CD2AP: variants seen among roughly 807,000 people sequenced by gnomAD.
The protein encoded by CD2AP is CD2-associated protein.
CD2AP carries 46 observed loss-of-function variants against 85.1 expected under a neutral mutation model. The observed-to-expected ratio is 0.54, with a 90% CI of 0.43 to 0.69. The LOEUF is 0.69. CD2AP is among the 30% of genes least tolerant of loss of function. The pLI is 0.00. For synonymous variants in CD2AP, 255 were observed against 252.9 expected (o/e 1.01, Z -0.08); for missense variants, 769 against 729.5 (o/e 1.05, Z -0.62).
Position 47,503,377 on chromosome 6 carries a change from G to A in CD2AP, c.102G>A (p.Glu34=). 6.2e-7 allele frequency: 1 copy of A among 1,613,820 alleles called. No individual in the cohort carries two copies. The highest frequency in any genetic ancestry group is 1.7e-5 in the Admixed American group (1 of 60,010). ...EIIRNVKKLQ[E]EGWLEGELNG... is the part of the protein sequence containing the mutation. ...TCAGGAATGTGAAAAAGCTACAGGA[G>A]GAAGGGTGGCTGGAAGGAGAACTAA... Residue 34 remains glutamate, a synonymous_variant, in exon 2 of 18, where the codon GAG becomes GAA. Coordinates refer to ENST00000359314, the MANE Select transcript of CD2AP (RefSeq NM_012120.3).
At chr6:47,573,427 T>C (rs1356733225) in intron 5 of CD2AP, among the ~76,000 whole-genome samples, 1 of 151,832 alleles carries the variant, frequency 6.6e-6, no homozygotes, top group Non-Finnish European at 1.5e-5. Context: ...TATGTCTTTA[T>C]TGTTTGTCTC....
chr6:47,601,042 AT>A (rs1401873953), intron 13 of CD2AP, among the ~76,000 whole-genome samples: 1 of 151,686 alleles, frequency 6.6e-6, no homozygotes, highest in Non-Finnish European at 1.5e-5. Flanking sequence ...AAGTAATGGA[AT>A]TTTTTTTAAA....
chr6:47,535,157 A>G (rs1232459397), intron 3 of CD2AP, among the ~76,000 whole-genome samples: 2 of 152,172 alleles, frequency 1.3e-5, no homozygotes, highest in Middle Eastern at 3.2e-3. Context: ...CTAGTGTCCC[A>G]TTATTGGAAT....
intron 13 of CD2AP, among the ~76,000 whole-genome samples, chr6:47,604,139 A>G (rs1028445351): frequency 6.6e-6 from 1 of 152,120 alleles, no homozygotes; most frequent in Non-Finnish European, 1.5e-5. Context: ...AGCAACGTGC[A>G]GATTGTAAGT....
intron 13 of CD2AP, among the ~76,000 whole-genome samples, chr6:47,601,875 A>G (rs1769147098): frequency 6.6e-6 from 1 of 152,002 alleles, no homozygotes; most frequent in South Asian, 2.1e-4. Flanking sequence ...CTGTTAATAA[A>G]AGGGGTTTTA....
At chr6:47,609,712 C>G (rs1180155791) in intron 16 of CD2AP, among the ~76,000 whole-genome samples, 1 of 151,668 alleles carries the variant, frequency 6.6e-6, no homozygotes, top group Non-Finnish European at 1.5e-5. Flanking sequence ...AAAAAAGTCT[C>G]TGGTATGAGC....
rs191920077 is a variant in CD2AP at position 47,477,807 on chromosome 6, C to T, written c.-438C>T. The T allele has an allele frequency of 9.2e-5, 19 of 206,924 alleles. No homozygotes were observed. Among genetic ancestry groups the T allele is most frequent in the Admixed American group, 3.0e-4 (5 of 16,864 alleles). 12.8% of individuals were successfully genotyped at this position (206,924 alleles called of 1,614,324 possible). On this transcript the variant is annotated 5_prime_UTR_variant, in exon 1 of 18. Coordinates refer to ENST00000359314, the MANE Select transcript of CD2AP (RefSeq NM_012120.3). The stretch of plus-strand genomic sequence containing the variant: ...TCTCGGCCTCTGTCTGGGTCCCCAC[C>T]TTAGTCTACGGTGTCGCCTTTTCTA...
At chr6:47,619,931 AT>A (rs1376461265) in intron 17 of CD2AP, among the ~76,000 whole-genome samples, 1 of 151,718 alleles carries the variant, frequency 6.6e-6, no homozygotes, top group African/African-American at 2.4e-5. Context: ...TTTCTTACTG[AT>A]TTGTTAGGGT....
chr6:47,568,743 C>CAAATAAAT (rs57832054), intron 5 of CD2AP, among the ~76,000 whole-genome samples: 89,419 of 150,202 alleles, frequency 0.6, 27,393 homozygotes, highest in Middle Eastern at 0.71. Context: ...GACTCCGTCT[C>CAAATAAAT]AAATAAATAA....
intron 11 of CD2AP, among the ~76,000 whole-genome samples, chr6:47,593,821 C>G (rs1216982425): frequency 1.3e-5 from 2 of 152,070 alleles, no homozygotes; most frequent in Non-Finnish European, 2.9e-5. Context: ...GAATTGACAA[C>G]AGACTCTCGT....
In CD2AP at chr6:47,505,926, G is replaced by C. The variant is rs1361195437; in HGVS notation, c.165+2486G>C. On this transcript the variant is annotated intron_variant, in intron 2 of 17. Coordinates refer to ENST00000359314, the MANE Select transcript of CD2AP (RefSeq NM_012120.3). ...GACCCCCCCCACCTCCCTCCCGGAC[G>C]GGGTGGCTGCCGGGCGGAGACGCTC... Among the ~76,000 whole-genome samples, 10 of 105,630 alleles carry C rather than the reference G, an allele frequency of 9.5e-5. No homozygotes were observed. The South Asian group carries it at 1.9e-3, about 20-fold the overall frequency. 69.3% of individuals were successfully genotyped at this position (105,630 alleles called of 152,430 possible). A position where few individuals can be genotyped will look rare whatever the true frequency, so the allele number is the denominator to read the frequency against.
chr6:47,601,393 A>C (rs1235701728), intron 13 of CD2AP, among the ~76,000 whole-genome samples: 2 of 151,976 alleles, frequency 1.3e-5, no homozygotes, highest in African/African-American at 4.8e-5. Flanking sequence ...GCTGTTCTTT[A>C]TTCCTTCCAC....
intron 2 of CD2AP, among the ~76,000 whole-genome samples, chr6:47,514,691 G>T (rs1305641643): frequency 6.6e-6 from 1 of 152,166 alleles, no homozygotes; most frequent in Admixed American, 6.5e-5. Context: ...TGACTGAATG[G>T]CAGACATGTG....
At chr6:47,545,525 C>T (rs1382840144) in intron 4 of CD2AP, among the ~76,000 whole-genome samples, 1 of 152,194 alleles carries the variant, frequency 6.6e-6, no homozygotes, top group African/African-American at 2.4e-5. Context: ...AAAGTGCCAT[C>T]TCCCAGCAGG....
intron 11 of CD2AP, among the ~76,000 whole-genome samples, chr6:47,589,565 C>CACACACACATATATATAT (rs139814970): frequency 1.7e-4 from 21 of 120,998 alleles, no homozygotes; most frequent in South Asian, 1.2e-3. Context: ...CACACACACA[C>CACACACACATATATATAT]ATATATATAT....
chr6:47,614,730 A>G (rs1769535868), intron 17 of CD2AP, among the ~76,000 whole-genome samples: 1 of 152,218 alleles, frequency 6.6e-6, no homozygotes, highest in Admixed American at 6.5e-5. Context: ...TAGACAATGC[A>G]GTATCTGTGA....
chr6:47,537,755 A>G (rs1767091208), intron 3 of CD2AP, among the ~76,000 whole-genome samples: 1 of 152,076 alleles, frequency 6.6e-6, no homozygotes, highest in Non-Finnish European at 1.5e-5. Context: ...CTTTCACTTA[A>G]TGGCCTAAGC....
At chr6:47,573,195 C>T (rs1283847693) in intron 5 of CD2AP, among the ~76,000 whole-genome samples, 1 of 152,020 alleles carries the variant, frequency 6.6e-6, no homozygotes, top group Non-Finnish European at 1.5e-5. Context: ...AACGCTGTTA[C>T]CCATATAATG....
At chr6:47,614,842 G>A (rs1276578898) in intron 17 of CD2AP, among the ~76,000 whole-genome samples, 1 of 152,172 alleles carries the variant, frequency 6.6e-6, no homozygotes, top group Non-Finnish European at 1.5e-5. Flanking sequence ...GACAGGACTG[G>A]TAGTGGTGAC....
Sources: allele counts gnomAD v4.1 joint callset (sites outside exome capture counted in the v4.1 genomes callset), GRCh38; gene constraint gnomAD v4.1.1; transcripts MANE v1.5; gene names NCBI Gene and HGNC (gene_info 2026-07-23, HGNC 2026-07-21).